STARD9: variants seen among roughly 807,000 people sequenced by gnomAD.
The protein encoded by STARD9 is StAR related lipid transfer domain containing 9, also known as stAR-related lipid transfer protein 9.
STARD9 carries 346 observed loss-of-function variants against 399.8 expected under a neutral mutation model. The ratio of observed to expected loss-of-function variants is 0.87; its 90% CI spans 0.79 to 0.95. The LOEUF is 0.95. Among genes scored for constraint, STARD9 ranks in the 40% least tolerant of loss-of-function variants. STARD9 has a pLI of 0.00. For synonymous variants in STARD9, 2,203 were observed against 2,143.5 expected (o/e 1.03, Z -0.77); for missense variants, 5,832 against 5,667.5 (o/e 1.03, Z -0.93).
intron 29 of STARD9, 67 bp from the exon 30 acceptor site, chr15:42,717,910 T>C: frequency 7.3e-6 from 11 of 1,511,484 alleles, no homozygotes; most frequent in Non-Finnish European, 9.8e-6. Context: ...TCTGAGCCCC[T>C]CCTTTGTGAC....
chr15:42,715,624 G>A (rs868292168), intron 26 of STARD9, among the ~76,000 whole-genome samples: 2 of 151,606 alleles, frequency 1.3e-5, no homozygotes, highest in South Asian at 4.2e-4. Flanking sequence ...GGGCTCAAGC[G>A]ATTCTCTCAA....
chr15:42,672,425 T>C (rs1489363502), intron 16 of STARD9: 1 of 152,246 alleles, frequency 6.6e-6, no homozygotes, highest in Admixed American at 6.5e-5. Flanking sequence ...CCATCACCTT[T>C]TGTTGGTAAT....
rs571893483 is a variant in STARD9, at chr15:42,687,371, C to A, written c.5793C>A (p.Ile1931=). 102 of 1,536,612 alleles carry A rather than the reference C, an allele frequency of 6.6e-5. No homozygotes were observed. Among genetic ancestry groups the A allele is most frequent in the Non-Finnish European group, 8.5e-5 (98 of 1,146,928 alleles). ...LDQNTVLRQT[I]NVSLEKDMPG... is the part of the protein sequence containing the mutation. ...AGAATACGGTTCTGAGGCAGACCAT[C>A]AATGTAAGCCTTGAGAAAGACATGC... Residue 1931 remains isoleucine, a synonymous_variant, in exon 23 of 33, where the codon ATC becomes ATA. Transcript: ENST00000290607.
chr15:42,590,171 C>T (rs2058366711), intron 3 of STARD9, among the ~76,000 whole-genome samples: 1 of 151,046 alleles, frequency 6.6e-6, no homozygotes, highest in Non-Finnish European at 1.5e-5. Flanking sequence ...CTGTGTTGCT[C>T]AGGCTGGTCT....
chr15:42,627,447 A>T (rs117795903), intron 3 of STARD9, among the ~76,000 whole-genome samples: 2 of 152,226 alleles, frequency 1.3e-5, no homozygotes, highest in Non-Finnish European at 2.9e-5. Flanking sequence ...TTATGTTACA[A>T]ACATTCCCGT....
intron 20 of STARD9, among the ~76,000 whole-genome samples, chr15:42,679,648 T>G (rs1170744872): frequency 6.6e-6 from 1 of 152,172 alleles, no homozygotes; most frequent in South Asian, 2.1e-4. Flanking sequence ...GCGGCAAACA[T>G]TTTCTGTAAA....
rs1487891269 is a variant in STARD9, at chr15:42,691,625, C to T, written c.10047C>T (p.Asp3349=). 3.3e-5 allele frequency: 51 copies of T among 1,537,224 alleles called. 1 individual carries two copies. Among genetic ancestry groups the T allele is most frequent in the South Asian group, 1.8e-4 (15 of 84,058 alleles). ...NLSVEPPSPT[D]EDTQGPNRLW... Reference sequence around the variant, plus strand: ...GTGTGGAGCCTCCTTCCCCTACAGACGAAGATACACAGGGGCCTAACAGAT... The same window carrying T: ...GTGTGGAGCCTCCTTCCCCTACAGATGAAGATACACAGGGGCCTAACAGAT... Residue 3349 remains aspartate, a synonymous_variant, in exon 23 of 33, where the codon GAC becomes GAT. Transcript: ENST00000290607.
intron 10 of STARD9, among the ~76,000 whole-genome samples, chr15:42,662,060 A>G (rs2060003562): frequency 6.6e-6 from 1 of 152,152 alleles, no homozygotes; most frequent in Non-Finnish European, 1.5e-5. Flanking sequence ...CTGAGGTGGG[A>G]GGATCACTTG....
At chr15:42,674,329 TG>T (rs2060264885) in intron 16 of STARD9, 110 bp from the exon 17 acceptor site, 2 of 862,870 alleles carry the variant, frequency 2.3e-6, no homozygotes, top group Non-Finnish European at 3.7e-6. Flanking sequence ...GGATGAGAAG[TG>T]GTACAGATGA....
chr15:42,583,906 A>G lies in STARD9; in HGVS notation c.117+491A>G, dbSNP rs565349574. 1.1e-3 allele frequency among the ~76,000 whole-genome samples: 173 copies of G among 152,268 alleles called. 2 individuals carry two copies. In the South Asian group the frequency reaches 0.035, roughly 30 times the overall value. ...ATCTTTCAGATCCCAGAAGGGAGTCAGTCACTAGCCTGGGTTTTGTTACAG... is the reference window on the plus strand; with the variant it reads ...ATCTTTCAGATCCCAGAAGGGAGTCGGTCACTAGCCTGGGTTTTGTTACAG... On this transcript the variant is annotated intron_variant, in intron 2 of 32. Coordinates refer to ENST00000290607, the MANE Select transcript of STARD9 (RefSeq NM_020759.3).
At chr15:42,596,071 A>G (rs1018236709) in intron 3 of STARD9, among the ~76,000 whole-genome samples, 9 of 152,220 alleles carry the variant, frequency 5.9e-5, no homozygotes, top group African/African-American at 1.9e-4. Flanking sequence ...AACTAGAGAA[A>G]TCTTTTAAAA....
chr15:42,675,943 G>A lies in STARD9; in HGVS notation c.1842G>A (p.Arg614=), dbSNP rs1368350673. Residue 614 remains arginine (R), a synonymous_variant, in exon 20 of 33, where the codon CGG becomes CGA. Coordinates refer to ENST00000290607, the MANE Select transcript of STARD9 (RefSeq NM_020759.3). ...LDLDGDLAAS[R]LGLSPLLWKE... is the part of the protein sequence containing the mutation. ...TGGATGGAGATCTCGCTGCCTCCCGGCTGGGTCTCTCCCCTTTGCTTTGGA... is the reference window on the plus strand; with the variant it reads ...TGGATGGAGATCTCGCTGCCTCCCGACTGGGTCTCTCCCCTTTGCTTTGGA... The A allele has an allele frequency of 6.5e-7, 1 of 1,536,672 alleles. No homozygotes were observed. The highest frequency in any genetic ancestry group is 2.4e-5 in the East Asian group (1 of 40,904).
At chr15:42,610,197 G>T (rs532786415) in intron 3 of STARD9, among the ~76,000 whole-genome samples, 29 of 152,284 alleles carry the variant, frequency 1.9e-4, no homozygotes, top group South Asian at 4.1e-4. Context: ...AGTCATTTTT[G>T]CTGCTCGCTG....
intron 3 of STARD9, among the ~76,000 whole-genome samples, chr15:42,592,047 A>G (rs1190812240): frequency 6.6e-6 from 1 of 152,220 alleles, no homozygotes. Context: ...ACTGACTCTC[A>G]AAAAGAAATA....
At chr15:42,639,030 A>C (rs554354148) in intron 7 of STARD9, among the ~76,000 whole-genome samples, 80 of 152,348 alleles carry the variant, frequency 5.3e-4, no homozygotes, top group African/African-American at 1.8e-3. Flanking sequence ...AACAATTACA[A>C]GTAGTGATAA....
At position 42,675,692 on chromosome 15, in the gene STARD9, G is replaced by A; in HGVS notation, c.1716G>A (p.Gln572=). Residue 572 remains glutamine, a synonymous_variant, in exon 19 of 33, where the codon CAG becomes CAA. Transcript: ENST00000290607. Reference sequence around the variant, plus strand: ...CTGTCATAACCCTGGGGAAGGCACAGAAGTTCCGATTCAACCACCCAGCAG... The same window carrying A: ...CTGTCATAACCCTGGGGAAGGCACAAAAGTTCCGATTCAACCACCCAGCAG... ...QGAVITLGKA[Q]KFRFNHPAEA... 6.5e-7 allele frequency: 1 copy of A among 1,537,242 alleles called. No individual in the cohort carries two copies. The highest frequency in any genetic ancestry group is 8.7e-7 in the Non-Finnish European group (1 of 1,146,880).
chr15:42,610,354 A>C (rs2058823450), intron 3 of STARD9, among the ~76,000 whole-genome samples: 1 of 152,086 alleles, frequency 6.6e-6, no homozygotes, highest in South Asian at 2.1e-4. Context: ...GACCCTCTAA[A>C]GCCCTCTTTC....
At chr15:42,601,617 G>A (rs2141755009) in intron 3 of STARD9, among the ~76,000 whole-genome samples, 1 of 151,486 alleles carries the variant, frequency 6.6e-6, no homozygotes, top group East Asian at 1.9e-4. Flanking sequence ...GCCGGGTGGG[G>A]GCTGCCCCCC....
Position 42,688,510 on chromosome 15 carries a change from A to G in STARD9, c.6932A>G (p.Glu2311Gly). 1 of 1,537,920 alleles carries G rather than the reference A, an allele frequency of 6.5e-7. No homozygotes were observed. The change falls in exon 23 of 33, where the codon GAA becomes GGA. Residue 2311 changes from glutamate (E) to glycine (G), a missense_variant. Transcript: ENST00000290607. ...QLCRDTFFRQ[E>G]TVSPLLSRTE... The stretch of plus-strand genomic sequence containing the variant: ...TGTAGGGACACGTTTTTCAGGCAGG[A>G]AACTGTCAGCCCATTACTAAGCCGG...
Sources: gnomAD v4.1 joint callset for allele counts (sites outside exome capture counted in the v4.1 genomes callset) on GRCh38, gnomAD v4.1.1 for gene constraint, MANE v1.5 for transcripts, NCBI Gene and HGNC (gene_info 2026-07-23, HGNC 2026-07-21) for gene names.